The following LINGO2 variants were observed in gnomAD, a reference collection of about 807,000 sequenced individuals.
LINGO2 encodes leucine-rich repeat and immunoglobulin-like domain-containing nogo receptor-interacting protein 2.
Under a neutral mutation model 30.6 loss-of-function variants are expected in LINGO2, and 14 were observed. That is an observed-to-expected ratio of 0.46 (90% CI 0.30 to 0.72). LINGO2 has a LOEUF of 0.72. LINGO2 is among the 30% of genes least tolerant of loss of function. The pLI is 0.07. For missense variants in LINGO2, 729 were observed against 751.7 expected (o/e 0.97, Z 0.35); for synonymous variants, 317 against 288.5 (o/e 1.10, Z -1.00).
At chr9:28,052,339 C>G (rs1587773963) in intron 4 of LINGO2, among the ~76,000 whole-genome samples, 1 of 152,046 alleles carries the variant, frequency 6.6e-6, no homozygotes, top group South Asian at 2.1e-4. Flanking sequence ...GTTTATTAGG[C>G]TATTATTTGA....
At chr9:28,072,663 A>G (rs781502870) in intron 4 of LINGO2, among the ~76,000 whole-genome samples, 35 of 152,084 alleles carry the variant, frequency 2.3e-4, no homozygotes, top group Non-Finnish European at 3.8e-4. Context: ...TGATTTTTTT[A>G]TTGTTATTCT....
chr9:28,523,073 A>C (rs1820885097), intron 1 of LINGO2, among the ~76,000 whole-genome samples: 1 of 152,140 alleles, frequency 6.6e-6, no homozygotes, highest in South Asian at 2.1e-4. Flanking sequence ...CCATAATTTA[A>C]ATATCTAAAA....
At chr9:29,032,518 G>A in the LINGO2 span, among the ~76,000 whole-genome samples, 1 of 152,192 alleles carries the variant, frequency 6.6e-6, no homozygotes, top group African/African-American at 2.4e-5. Context: ...GCATATGTGT[G>A]TATAATGTCT....
chr9:28,437,942 T>C (rs1291842927), intron 2 of LINGO2, among the ~76,000 whole-genome samples: 1 of 152,206 alleles, frequency 6.6e-6, no homozygotes, highest in Non-Finnish European at 1.5e-5. Flanking sequence ...CCAAATGTAT[T>C]TCTTACAAAG....
the LINGO2 span, among the ~76,000 whole-genome samples, chr9:29,067,721 G>A: frequency 1.4e-5 from 2 of 144,494 alleles, no homozygotes; most frequent in Non-Finnish European, 1.5e-5. Context: ...TACCATATAA[G>A]ATGATGCCAA....
intron 2 of LINGO2, among the ~76,000 whole-genome samples, chr9:28,391,150 T>C (rs978284352): frequency 2.0e-5 from 3 of 152,196 alleles, no homozygotes; most frequent in Non-Finnish European, 2.9e-5. Flanking sequence ...TACTATATAA[T>C]GTATTATAAT....
At chr9:28,632,690 TTATATAGATCTATATATTTA>T (rs1467621952) in intron 1 of LINGO2, among the ~76,000 whole-genome samples, 1 of 108,408 alleles carries the variant, frequency 9.2e-6, no homozygotes, top group Non-Finnish European at 1.9e-5. Flanking sequence ...AAAAATATAT[TTATATAGATCTATATATTTA>T]TATATAGATC....
At chr9:28,055,383 G>A (rs1005894287) in intron 4 of LINGO2, among the ~76,000 whole-genome samples, 2 of 152,140 alleles carry the variant, frequency 1.3e-5, no homozygotes, top group Admixed American at 6.6e-5. Flanking sequence ...TTCAGCCAAG[G>A]AGTCTGAATG....
intron 1 of LINGO2, among the ~76,000 whole-genome samples, chr9:28,645,341 A>G (rs1195978343): frequency 2.0e-5 from 3 of 152,098 alleles, no homozygotes; most frequent in Non-Finnish European, 4.4e-5. Context: ...TCATCATTTA[A>G]TTTAGAATAA....
intron 4 of LINGO2, among the ~76,000 whole-genome samples, chr9:28,037,948 AGGAAG>A (rs1824015590): frequency 2.6e-5 from 4 of 152,226 alleles, no homozygotes; most frequent in Non-Finnish European, 5.9e-5. Context: ...CCTTTAGATA[AGGAAG>A]CTGAGGCATA....
chr9:28,555,933 C>G (rs1181293841), intron 1 of LINGO2, among the ~76,000 whole-genome samples: 4 of 152,034 alleles, frequency 2.6e-5, no homozygotes, highest in East Asian at 1.9e-4. Flanking sequence ...AGGCCTTTGA[C>G]AAAATTCAAC....
the LINGO2 span, among the ~76,000 whole-genome samples, chr9:28,687,607 T>TTC: frequency 1.3e-5 from 2 of 152,064 alleles, no homozygotes; most frequent in Non-Finnish European, 2.9e-5. Context: ...TTTGTCCTCT[T>TTC]TCTCTCTCAG....
chr9:28,667,471 C>A (rs760093896), intron 1 of LINGO2, among the ~76,000 whole-genome samples: 1 of 152,134 alleles, frequency 6.6e-6, no homozygotes, highest in Non-Finnish European at 1.5e-5. Context: ...CCACTGGGCA[C>A]GGTGGCTCAC....
At chr9:29,027,545 C>A in the LINGO2 span, among the ~76,000 whole-genome samples, 1 of 152,092 alleles carries the variant, frequency 6.6e-6, no homozygotes, top group African/African-American at 2.4e-5. Flanking sequence ...ACCATGTTGG[C>A]CAGGCTGGTC....
chr9:29,076,632 A>AATAT, the LINGO2 span, among the ~76,000 whole-genome samples: 22 of 138,956 alleles, frequency 1.6e-4, no homozygotes, highest in Non-Finnish European at 2.7e-4. Context: ...TAAATAAATA[A>AATAT]ATATATATAT....
At chr9:28,245,372 G>A (rs776200824) in intron 4 of LINGO2, among the ~76,000 whole-genome samples, 12 of 152,080 alleles carry the variant, frequency 7.9e-5, no homozygotes, top group South Asian at 2.1e-4. Flanking sequence ...AGCTGGAAGC[G>A]TTCCCTTTGA....
chr9:28,481,436 T>A (rs539510625), intron 1 of LINGO2, among the ~76,000 whole-genome samples: 9 of 152,182 alleles, frequency 5.9e-5, no homozygotes, highest in South Asian at 2.1e-4. Context: ...CTTTAAATAC[T>A]TTATTTTCCT....
intron 3 of LINGO2, among the ~76,000 whole-genome samples, chr9:28,303,008 G>T (rs10119907): frequency 0.046 from 6,998 of 152,132 alleles, 495 homozygotes; most frequent in African/African-American, 0.16. Flanking sequence ...CACAATAAAT[G>T]CTCTGTATGT....
the LINGO2 span, among the ~76,000 whole-genome samples, chr9:28,744,107 TA>T: frequency 0.24 from 32,732 of 137,594 alleles, 3,976 homozygotes; most frequent in Admixed American, 0.38. Flanking sequence ...TATATATATA[TA>T]TTTTTTTTCT....
Sources: allele counts gnomAD v4.1 joint callset (sites outside exome capture counted in the v4.1 genomes callset), GRCh38; gene constraint gnomAD v4.1.1; transcripts MANE v1.5; gene names NCBI Gene and HGNC (gene_info 2026-07-23, HGNC 2026-07-21).